PLCB1: variants seen among roughly 807,000 people sequenced by gnomAD.
PLCB1 encodes the protein phospholipase C beta 1.
PLCB1 carries 46 observed loss-of-function variants against 161.8 expected under a neutral mutation model. That is an observed-to-expected ratio of 0.28 (90% confidence interval 0.22 to 0.36). PLCB1 has a LOEUF of 0.36. Ranked by LOEUF, PLCB1 falls within the 10% of genes least tolerant of loss-of-function variation. PLCB1 has a pLI of 1.00. For missense variants in PLCB1, 1,016 were observed against 1,472.5 expected, an observed-to-expected ratio of 0.69 and a Z score of 5.07; for synonymous variants, 517 against 503.7, an observed-to-expected ratio of 1.03 and a Z score of -0.35.
chr20:8,378,115 C>T (rs932997159), intron 3 of PLCB1, among the ~76,000 whole-genome samples: 5 of 152,144 alleles, frequency 3.3e-5, no homozygotes, highest in African/African-American at 1.2e-4. Context: ...CAACGTCCAT[C>T]GATGGATGAG....
At chr20:8,776,356 C>A (rs1253963459) in intron 27 of PLCB1, among the ~76,000 whole-genome samples, 4 of 152,152 alleles carry the variant, frequency 2.6e-5, no homozygotes, top group Non-Finnish European at 2.9e-5. Flanking sequence ...GGTTCTAGAG[C>A]CCCTGGTTTA....
At chr20:8,695,401 A>G (rs186039398) in intron 10 of PLCB1, among the ~76,000 whole-genome samples, 2 of 152,298 alleles carry the variant, frequency 1.3e-5, no homozygotes, top group East Asian at 1.9e-4. Context: ...TTAACTGGCT[A>G]TTTAAAAAAA....
intron 3 of PLCB1, among the ~76,000 whole-genome samples, chr20:8,555,538 T>C (rs1985923401): frequency 6.6e-6 from 1 of 152,118 alleles, no homozygotes; most frequent in Non-Finnish European, 1.5e-5. Flanking sequence ...ACTTTCTACT[T>C]CCTGTTTGGT....
At chr20:8,846,101 C>T (rs1430109237) in intron 31 of PLCB1, among the ~76,000 whole-genome samples, 1 of 152,186 alleles carries the variant, frequency 6.6e-6, no homozygotes, top group African/African-American at 2.4e-5. Context: ...ATTGGCTCTG[C>T]AGCCTGTACA....
chr20:8,157,806 T>C (rs770154569), intron 2 of PLCB1, among the ~76,000 whole-genome samples: 1 of 152,222 alleles, frequency 6.6e-6, no homozygotes, highest in Non-Finnish European at 1.5e-5. Context: ...CATTGCAGCT[T>C]CTTTGGAATC....
At chr20:8,697,581 C>T (rs1026021849) in intron 10 of PLCB1, 45 bp from the exon 11 acceptor site, 31 of 1,605,594 alleles carry the variant, frequency 1.9e-5, no homozygotes, top group Non-Finnish European at 2.6e-5. Flanking sequence ...CACGGTCATC[C>T]TTGCTTCATG....
At chr20:8,172,284 G>C (rs1031098490) in intron 2 of PLCB1, among the ~76,000 whole-genome samples, 4 of 152,130 alleles carry the variant, frequency 2.6e-5, no homozygotes, top group Admixed American at 6.5e-5. Flanking sequence ...GTTTTACATA[G>C]GTACTCAAGA....
At chr20:8,193,081 A>G (rs1428285730) in intron 2 of PLCB1, among the ~76,000 whole-genome samples, 1 of 152,072 alleles carries the variant, frequency 6.6e-6, no homozygotes, top group Non-Finnish European at 1.5e-5. Flanking sequence ...CCAGAGACTG[A>G]CAAAGAACAT....
chr20:8,294,518 A>C (rs1343645925), intron 2 of PLCB1, among the ~76,000 whole-genome samples: 1 of 151,852 alleles, frequency 6.6e-6, no homozygotes, highest in East Asian at 2.0e-4. Context: ...ATATTTATAC[A>C]TATTTATACA....
chr20:8,402,561 G>A (rs77654614), intron 3 of PLCB1, among the ~76,000 whole-genome samples: 8,191 of 151,986 alleles, frequency 0.054, 280 homozygotes, highest in Middle Eastern at 0.1. Context: ...CAGGCCGGGC[G>A]TGGTGGCTCA....
intron 31 of PLCB1, among the ~76,000 whole-genome samples, chr20:8,848,264 G>A (rs778224687): frequency 2.8e-4 from 42 of 152,172 alleles, no homozygotes; most frequent in Non-Finnish European, 1.3e-4. Context: ...GAGTTAGGGT[G>A]TGCTGCCCTC....
At chr20:8,847,468 A>G (rs773064371) in intron 31 of PLCB1, among the ~76,000 whole-genome samples, 35 of 152,322 alleles carry the variant, frequency 2.3e-4, no homozygotes, top group Admixed American at 3.3e-4. Context: ...AGAGGGCCTA[A>G]AAAGGGGTCT....
intron 3 of PLCB1, among the ~76,000 whole-genome samples, chr20:8,455,138 G>C (rs1981243141): frequency 6.6e-6 from 1 of 151,944 alleles, no homozygotes; most frequent in Non-Finnish European, 1.5e-5. Flanking sequence ...AGACAAGCCT[G>C]ACCAACATGG....
chr20:8,803,874 A>G (rs974673237), intron 31 of PLCB1, among the ~76,000 whole-genome samples: 2 of 150,716 alleles, frequency 1.3e-5, no homozygotes, highest in Non-Finnish European at 3.0e-5. Context: ...GCTCACCACA[A>G]CCTCCACCTC....
intron 2 of PLCB1, among the ~76,000 whole-genome samples, chr20:8,319,582 T>TG (rs1984814100): frequency 6.6e-6 from 1 of 151,754 alleles, no homozygotes; most frequent in Non-Finnish European, 1.5e-5. Context: ...TGAAGGCAAA[T>TG]GGTGTTGAGT....
intron 9 of PLCB1, among the ~76,000 whole-genome samples, chr20:8,674,310 G>A (rs1411929109): frequency 2.0e-5 from 3 of 152,194 alleles, no homozygotes; most frequent in Admixed American, 6.5e-5. Flanking sequence ...ACTTCATGTT[G>A]TGGTAATATT....
intron 2 of PLCB1, among the ~76,000 whole-genome samples, chr20:8,291,685 C>T (rs1983389801): frequency 1.3e-5 from 2 of 152,154 alleles, no homozygotes; most frequent in Admixed American, 6.5e-5. Context: ...GGTGTGCTCA[C>T]CGTGTGCCAG....
intron 2 of PLCB1, among the ~76,000 whole-genome samples, chr20:8,169,511 T>G (rs2051710389): frequency 6.6e-6 from 1 of 152,132 alleles, no homozygotes; most frequent in Non-Finnish European, 1.5e-5. Context: ...TTTAGTAAAT[T>G]TTAATATATA....
At chr20:8,390,870 A>C (rs1987566147) in intron 3 of PLCB1, among the ~76,000 whole-genome samples, 1 of 151,902 alleles carries the variant, frequency 6.6e-6, no homozygotes, top group Non-Finnish European at 1.5e-5. Flanking sequence ...AAGTTATATC[A>C]TGTCTCTGAG....
Sources: gnomAD v4.1 joint callset for allele counts (sites outside exome capture counted in the v4.1 genomes callset) on GRCh38, gnomAD v4.1.1 for gene constraint, MANE v1.5 for transcripts, NCBI Gene and HGNC (gene_info 2026-07-23, HGNC 2026-07-21) for gene names.